ACCSL: variants seen among roughly 807,000 people sequenced by gnomAD.
ACCSL encodes 1-aminocyclopropane-1-carboxylate synthase homolog (inactive) like, also known as probable inactive 1-aminocyclopropane-1-carboxylate synthase-like protein 2.
Under a neutral mutation model 61.7 loss-of-function variants are expected in ACCSL, and 55 were observed. The ratio of observed to expected loss-of-function variants is 0.89; its 90% CI spans 0.72 to 1.12. The LOEUF (loss-of-function observed/expected upper bound fraction) is 1.12, where lower values mean the gene tolerates loss of function less well. ACCSL is among the 50% of genes most tolerant of loss of function. The pLI is 0.00. For missense variants in ACCSL, 632 were observed against 698.0 expected (o/e 0.91, Z 1.07); for synonymous variants, 258 against 264.3 (o/e 0.98, Z 0.23).
chr11:44,052,699 T>C lies in ACCSL; in HGVS notation c.810T>C (p.Phe270=). The C allele has an allele frequency of 6.2e-7, 1 of 1,614,194 alleles. No homozygotes were observed. The highest frequency in any genetic ancestry group is 8.5e-7 in the Non-Finnish European group (1 of 1,180,042). The change falls in exon 6 of 14, where the codon TTT becomes TTC. Residue 270 remains phenylalanine, a synonymous_variant. Transcript: ENST00000378832. ...FLVPAPFYGG[F]AFSSRLYAKV... ...TCCCTGCTCCCTTCTATGGTGGCTTTGCCTTTAGCTCCCGCCTGTATGCAA... is the reference window on the plus strand; with the variant it reads ...TCCCTGCTCCCTTCTATGGTGGCTTCGCCTTTAGCTCCCGCCTGTATGCAA...
the ACCSL span, among the ~76,000 whole-genome samples, chr11:43,925,978 T>C: frequency 1.3e-5 from 2 of 152,200 alleles, no homozygotes; most frequent in African/African-American, 4.8e-5. Flanking sequence ...GGGTGGGCGG[T>C]CCTTCTGTGG....
upstream of ACCSL, among the ~76,000 whole-genome samples, chr11:44,045,457 C>A (rs11037838): frequency 5.3e-5 from 8 of 152,066 alleles, no homozygotes; most frequent in African/African-American, 1.9e-4. Flanking sequence ...AACAACCCCC[C>A]CCACAAAAAA....
At chr11:43,976,388 A>G in the ACCSL span, among the ~76,000 whole-genome samples, 1 of 152,224 alleles carries the variant, frequency 6.6e-6, no homozygotes, top group Non-Finnish European at 1.5e-5. Context: ...TTCTATGTAT[A>G]TGCATTCTAC....
chr11:44,033,215 G>A, the ACCSL span, among the ~76,000 whole-genome samples: 1 of 152,258 alleles, frequency 6.6e-6, no homozygotes, highest in East Asian at 1.9e-4. Flanking sequence ...CCTTCACAGA[G>A]GAGAAACTGA....
the ACCSL span, among the ~76,000 whole-genome samples, chr11:43,926,081 G>A: frequency 6.6e-6 from 1 of 152,142 alleles, no homozygotes; most frequent in Non-Finnish European, 1.5e-5. Context: ...GGGGAGTGGG[G>A]TTGGGCAGAG....
upstream of ACCSL, among the ~76,000 whole-genome samples, chr11:44,044,989 C>A (rs1355376887): frequency 1.3e-5 from 2 of 152,170 alleles, no homozygotes; most frequent in African/African-American, 2.4e-5. Flanking sequence ...ACCCCCGGTA[C>A]CAGACAACTT....
Position 44,051,635 on chromosome 11 carries a change from C to G in ACCSL, c.706-18C>G. ...TAGGTATTGGTTTTGACTTCTGCCT[C>G]TCATGTGTTGTCTTCAGGTGGTGGT... On this transcript the variant is annotated intron_variant, in intron 4 of 13. Coordinates refer to ENST00000378832, the MANE Select transcript of ACCSL (RefSeq NM_001031854.2). 1 of 1,614,150 alleles carries G rather than the reference C, an allele frequency of 6.2e-7. No homozygotes were observed. The highest frequency in any genetic ancestry group is 8.5e-7 in the Non-Finnish European group (1 of 1,180,004).
At chr11:43,980,553 T>G in the ACCSL span, among the ~76,000 whole-genome samples, 3 of 152,250 alleles carry the variant, frequency 2.0e-5, no homozygotes, top group Non-Finnish European at 4.4e-5. Context: ...ATTGGGTGCT[T>G]TCACTATTCT....
chr11:44,043,185 T>C (rs939224767), upstream of ACCSL, among the ~76,000 whole-genome samples: 7 of 152,150 alleles, frequency 4.6e-5, no homozygotes, highest in Non-Finnish European at 7.4e-5. Flanking sequence ...AGTATACCGT[T>C]TGAGCTTGGA....
the ACCSL span, among the ~76,000 whole-genome samples, chr11:44,018,079 T>C: frequency 2.0e-3 from 297 of 152,262 alleles, 1 homozygote; most frequent in African/African-American, 7.0e-3. Flanking sequence ...GGAGTTCTTT[T>C]CCTCACCCAT....
At chr11:43,992,004 CT>C in the ACCSL span, among the ~76,000 whole-genome samples, 7 of 150,848 alleles carry the variant, frequency 4.6e-5, no homozygotes, top group East Asian at 1.9e-4. Flanking sequence ...CCCTCCCCAT[CT>C]TTTTTTTTCT....
At chr11:44,030,864 C>G in the ACCSL span, among the ~76,000 whole-genome samples, 8 of 152,108 alleles carry the variant, frequency 5.3e-5, no homozygotes, top group African/African-American at 1.9e-4. Context: ...CATGATCACA[C>G]AAGACTCATT....
chr11:44,029,181 G>A, the ACCSL span, among the ~76,000 whole-genome samples: 16 of 152,338 alleles, frequency 1.1e-4, 1 homozygote, highest in East Asian at 2.9e-3. Context: ...ACCCTACAAA[G>A]GCTTCTGGCC....
chr11:44,053,179 T>G, intron 7 of ACCSL, 111 bp downstream of exon 7: 1 of 1,014,562 alleles, frequency 9.9e-7, no homozygotes, highest in African/African-American at 1.6e-5. Flanking sequence ...TGTCCTTAGT[T>G]GGAAGAGACA....
the ACCSL span, among the ~76,000 whole-genome samples, chr11:43,936,173 CCTGGTT>C: frequency 6.6e-6 from 1 of 152,220 alleles, no homozygotes; most frequent in Non-Finnish European, 1.5e-5. Context: ...AACACCCCAA[CCTGGTT>C]CACTTCTGCT....
chr11:43,958,733 T>C, the ACCSL span, among the ~76,000 whole-genome samples: 1 of 152,006 alleles, frequency 6.6e-6, no homozygotes, highest in Non-Finnish European at 1.5e-5. Flanking sequence ...CAGTGTGGAG[T>C]CTTTTGAAAA....
chr11:44,049,987 G>A (rs757771595), intron 1 of ACCSL, 75 bp from the exon 2 acceptor site: 3 of 1,588,056 alleles, frequency 1.9e-6, no homozygotes, highest in African/African-American at 1.3e-5. Context: ...ATCTCCATTT[G>A]AACTAATGTT....
the ACCSL span, among the ~76,000 whole-genome samples, chr11:44,032,443 CTG>C: frequency 5.3e-5 from 8 of 152,210 alleles, no homozygotes. Context: ...GCATTATTCA[CTG>C]TGGGTCAGCA....
the ACCSL span, among the ~76,000 whole-genome samples, chr11:43,991,954 G>C: frequency 2.0e-5 from 3 of 151,700 alleles, no homozygotes; most frequent in Admixed American, 2.0e-4. Context: ...TCCTATCTGG[G>C]AACTTAAGCC....
Sources: allele counts gnomAD v4.1 joint callset (sites outside exome capture counted in the v4.1 genomes callset), GRCh38; gene constraint gnomAD v4.1.1; transcripts MANE v1.5; gene names NCBI Gene and HGNC (gene_info 2026-07-23, HGNC 2026-07-21).